The following USP6NL variants were observed in gnomAD, a reference collection of about 807,000 sequenced individuals.
USP6NL encodes USP6 N-terminal-like protein.
Under a neutral mutation model 61.9 loss-of-function variants are expected in USP6NL, and 26 were observed. The ratio of observed to expected loss-of-function variants is 0.42; its 90% confidence interval spans 0.31 to 0.58. The LOEUF is 0.58. USP6NL is among the 20% of genes least tolerant of loss of function. The pLI is 0.16. For synonymous variants in USP6NL, 432 were observed against 390.1 expected, an observed-to-expected ratio of 1.11 and a Z score of -1.27; for missense variants, 1,114 against 1,034.3, an observed-to-expected ratio of 1.08 and a Z score of -1.06.
intron 14 of USP6NL, among the ~76,000 whole-genome samples, chr10:11,469,817 TAG>T (rs1832652486): frequency 6.6e-6 from 1 of 152,196 alleles, no homozygotes. Flanking sequence ...TCCTGCTTTC[TAG>T]AGTGATCCAT....
intron 2 of USP6NL, among the ~76,000 whole-genome samples, chr10:11,584,912 T>C (rs1566199526): frequency 6.6e-6 from 1 of 152,116 alleles, no homozygotes; most frequent in Non-Finnish European, 1.5e-5. Flanking sequence ...CACTCCAGCC[T>C]AGTTGACAGA....
intron 6 of USP6NL, among the ~76,000 whole-genome samples, chr10:11,508,721 G>C (rs752185920): frequency 6.6e-6 from 1 of 152,216 alleles, no homozygotes; most frequent in Non-Finnish European, 1.5e-5. Context: ...GGAGCTCTGT[G>C]CTGCACAACC....
At chr10:11,573,400 C>A in intron 2 of USP6NL, 1 of 371,084 alleles carries the variant, frequency 2.7e-6, no homozygotes, top group Non-Finnish European at 4.8e-6. Context: ...TAATAATATC[C>A]CCCTAATTTT....
At chr10:11,546,528 A>G (rs1836277607) in intron 2 of USP6NL, among the ~76,000 whole-genome samples, 1 of 152,098 alleles carries the variant, frequency 6.6e-6, no homozygotes, top group Admixed American at 6.5e-5. Flanking sequence ...CAGCCTCCCA[A>G]GTAGCTGGGA....
At position 11,558,588 on chromosome 10, in the gene USP6NL, C is replaced by A. The variant is rs151333139; in HGVS notation, c.5-31021G>T. Among the ~76,000 whole-genome samples the A allele has an allele frequency of 1.3e-3, 196 of 152,282 alleles. 1 individual carries two copies. Among genetic ancestry groups the A allele is most frequent in the African/African-American group, 4.2e-3 (175 of 41,554 alleles). Reference sequence around the variant, plus strand: ...AATTCCAAGCATACCTCCTACCACTCCCCATCCATGGAACCCATAATCAAA... The same window carrying A: ...AATTCCAAGCATACCTCCTACCACTACCCATCCATGGAACCCATAATCAAA... On this transcript the variant is annotated intron_variant, in intron 2 of 14. Transcript: ENST00000609104.
Position 11,463,525 on chromosome 10 carries a change from G to C in USP6NL, c.1403C>G (p.Ala468Gly), listed in dbSNP as rs1452387801. The change falls in exon 15 of 15, where the codon GCT (alanine) becomes GGT (glycine). Residue 468 changes from alanine (A) to glycine (G), a missense_variant. Ala to Gly is a moderately conservative substitution (Grantham distance 60). Coordinates refer to ENST00000609104, the MANE Select transcript of USP6NL (RefSeq NM_014688.5). This position sits in a 1 kb window ranked among gnomAD's most constrained non-coding sequence, Gnocchi z 6.3. ...AGTGGCGTTGCTATTTTGGTTGGCAGCTGCGTGATTATATTGCCTGGAACT... is the reference window on the plus strand; with the variant it reads ...AGTGGCGTTGCTATTTTGGTTGGCACCTGCGTGATTATATTGCCTGGAACT... ...QDSSRQYNHA[A>G]ANQNSNATSN... 6.2e-7 allele frequency: 1 copy of C among 1,613,962 alleles called. No homozygotes were observed. The highest frequency in any genetic ancestry group is 8.5e-7 in the Non-Finnish European group (1 of 1,179,924).
Position 11,560,714 on chromosome 10 carries a change from T to TA in USP6NL, c.5-33148_5-33147insT, listed in dbSNP as rs138095176. On this transcript the variant is annotated intron_variant, in intron 2 of 14. Transcript: ENST00000609104. ...CCAAACAGTAAAAAATATATATATATTATATATATATATATATATATTCAA... is the reference window on the plus strand; with the variant it reads ...CCAAACAGTAAAAAATATATATATATATATATATATATATATATATATTCAA... Among the ~76,000 whole-genome samples the TA allele has an allele frequency of 2.4e-4, 34 of 141,308 alleles. 1 individual carries two copies. The highest frequency in any genetic ancestry group is 3.9e-4 in the African/African-American group (15 of 38,518). 92.7% of individuals were successfully genotyped at this position (141,308 alleles called of 152,430 possible).
At chr10:11,581,147 G>A (rs1369119660) in intron 2 of USP6NL, among the ~76,000 whole-genome samples, 9 of 151,996 alleles carry the variant, frequency 5.9e-5, no homozygotes, top group African/African-American at 2.2e-4. Context: ...AATAATGAAT[G>A]TTCACTATAG....
At chr10:11,576,235 T>TA (rs963892539) in intron 2 of USP6NL, among the ~76,000 whole-genome samples, 8 of 152,154 alleles carry the variant, frequency 5.3e-5, no homozygotes, top group African/African-American at 1.7e-4. Flanking sequence ...TATTTCAAAA[T>TA]AAAAAATTAG....
chr10:11,548,738 T>C lies in USP6NL; in HGVS notation c.5-21171A>G, dbSNP rs901961764. Among the ~76,000 whole-genome samples, 7 of 152,172 alleles carry C rather than the reference T, an allele frequency of 4.6e-5. No homozygotes were observed. The highest frequency in any genetic ancestry group is 5.9e-5 in the Non-Finnish European group (4 of 68,018). ...CTATCAATCAATTATAAAATCTATA[T>C]ATGACCTATATCCTCCAACCATCAT... is the stretch of plus-strand genomic sequence containing the variant. On this transcript the variant is annotated intron_variant, in intron 2 of 14. Coordinates refer to ENST00000609104, the MANE Select transcript of USP6NL (RefSeq NM_014688.5). This position sits in a 1 kb window ranked among gnomAD's most constrained non-coding sequence, Gnocchi z 4.3.
chr10:11,571,984 T>C (rs1837383087), intron 2 of USP6NL, among the ~76,000 whole-genome samples: 1 of 151,176 alleles, frequency 6.6e-6, no homozygotes, highest in African/African-American at 2.4e-5. Flanking sequence ...ATATCTTATT[T>C]AATATATAAC....
At chr10:11,608,377 G>T (rs191591319) in intron 1 of USP6NL, among the ~76,000 whole-genome samples, 91 of 152,300 alleles carry the variant, frequency 6.0e-4, no homozygotes, top group African/African-American at 2.2e-3. Context: ...GATGATCCAA[G>T]AACAGTGCCA....
intron 14 of USP6NL, among the ~76,000 whole-genome samples, chr10:11,475,839 G>C (rs1227571439): frequency 6.6e-6 from 1 of 152,060 alleles, no homozygotes; most frequent in African/African-American, 2.4e-5. Context: ...AAAAAGATAT[G>C]ATTATCGTCA....
intron 2 of USP6NL, among the ~76,000 whole-genome samples, chr10:11,581,092 T>C (rs910123201): frequency 6.6e-6 from 1 of 152,184 alleles, no homozygotes; most frequent in African/African-American, 2.4e-5. Context: ...TATTTTCTTC[T>C]TTTTGTCAAT....
rs776061521 is a variant in USP6NL at position 11,463,111 on chromosome 10, TTAAAAG to T, written c.1811_1816del (p.Thr604_Phe605del). On this transcript the variant is annotated inframe_deletion, in exon 15 of 15. Transcript: ENST00000609104. This position sits in a 1 kb window ranked among gnomAD's most constrained non-coding sequence, Gnocchi z 6.3. ...TCGTGCATGACTTGGAGGCTGTACT[TTAAAAG>T]TAAACTTGTTGGATACTTTTGATGG... is the stretch of plus-strand genomic sequence containing the variant. 4 of 1,613,890 alleles carry T rather than the reference TTAAAAG, an allele frequency of 2.5e-6. No individual in the cohort carries two copies. The African/African-American group carries it at 4.0e-5, about 16-fold the overall frequency.
intron 5 of USP6NL, among the ~76,000 whole-genome samples, chr10:11,517,418 C>A (rs1835004305): frequency 6.6e-6 from 1 of 152,218 alleles, no homozygotes; most frequent in African/African-American, 2.4e-5. Context: ...ATGGCCCCAC[C>A]AAGCCACCAG....
intron 7 of USP6NL, among the ~76,000 whole-genome samples, chr10:11,494,565 C>T (rs567908884): frequency 3.1e-4 from 47 of 152,234 alleles, no homozygotes; most frequent in Non-Finnish European, 1.9e-4. Context: ...TACCAATGCG[C>T]GGAGCCCAGT....
At chr10:11,543,527 G>A (rs572729559) in intron 2 of USP6NL, among the ~76,000 whole-genome samples, 3 of 151,664 alleles carry the variant, frequency 2.0e-5, no homozygotes, top group Non-Finnish European at 4.4e-5. Context: ...GGGTGACAGA[G>A]TGAGACTCCA....
chr10:11,535,517 T>C (rs1835796816), intron 2 of USP6NL, among the ~76,000 whole-genome samples: 1 of 152,142 alleles, frequency 6.6e-6, no homozygotes, highest in Admixed American at 6.6e-5. Context: ...GAAAAGTAGC[T>C]GGTACAGAGA....
Sources: gnomAD v4.1 joint callset for allele counts (sites outside exome capture counted in the v4.1 genomes callset) on GRCh38, gnomAD v4.1.1 for gene constraint, Gnocchi (gnomAD v3.1) non-coding constraint, MANE v1.5 for transcripts, NCBI Gene and HGNC (gene_info 2026-07-23, HGNC 2026-07-21) for gene names.